Variants in ATP8A1 observed in about 807,000 individuals in gnomAD.
ATP8A1 encodes the protein phospholipid-transporting ATPase IA.
Under a neutral mutation model 177.7 loss-of-function variants are expected in ATP8A1, and 90 were observed. The observed-to-expected ratio is 0.51, with a 90% CI of 0.43 to 0.60. The LOEUF (loss-of-function observed/expected upper bound fraction) is 0.60, where lower values mean the gene tolerates loss of function less well. ATP8A1 is among the 20% of genes least tolerant of loss of function. The pLI is 0.00. For missense variants in ATP8A1, 1,072 were observed against 1,392.8 expected, an observed-to-expected ratio of 0.77 and a Z score of 3.67; for synonymous variants, 493 against 485.9, an observed-to-expected ratio of 1.01 and a Z score of -0.19.
At chr4:42,622,166 A>G (rs1737533570) in intron 4 of ATP8A1, among the ~76,000 whole-genome samples, 2 of 151,774 alleles carry the variant, frequency 1.3e-5, no homozygotes, top group Non-Finnish European at 2.9e-5. Context: ...ACCTGAGGTC[A>G]GAAGTTCAAG....
chr4:42,544,256 A>G (rs774764499), intron 19 of ATP8A1, among the ~76,000 whole-genome samples: 11 of 152,228 alleles, frequency 7.2e-5, no homozygotes, highest in Non-Finnish European at 1.5e-5. Context: ...AAGAGCTCAT[A>G]CCCACCAGAG....
In ATP8A1 at chr4:42,409,343, A is replaced by C. The variant is rs1392262162; in HGVS notation, c.*3573T>G. On this transcript the variant is annotated 3_prime_UTR_variant, in exon 37 of 37. Coordinates refer to ENST00000381668, the MANE Select transcript of ATP8A1 (RefSeq NM_006095.2). ...TTTAATAGCTGTTGAAGGTTAATTA[A>C]AATGCAGCAAAGTATAACTACGTTA... 1 of 152,186 alleles carries C rather than the reference A, an allele frequency of 6.6e-6. No homozygotes were observed. The highest frequency in any genetic ancestry group is 1.5e-5 in the Non-Finnish European group (1 of 67,994). 9.4% of individuals were successfully genotyped at this position (152,186 alleles called of 1,614,324 possible).
chr4:42,463,803 A>G (rs3890812), intron 27 of ATP8A1, among the ~76,000 whole-genome samples: 55,083 of 152,112 alleles, frequency 0.36, 10,224 homozygotes, highest in East Asian at 0.59. Flanking sequence ...CAAATTTTTC[A>G]TCATCTGAAC....
chr4:42,447,505 G>A (rs764780997), intron 30 of ATP8A1, among the ~76,000 whole-genome samples: 1 of 152,106 alleles, frequency 6.6e-6, no homozygotes, highest in Non-Finnish European at 1.5e-5. Flanking sequence ...GGCTTTAGAC[G>A]AAGGAAGTGG....
At chr4:42,582,519 C>G (rs1415798905) in intron 9 of ATP8A1, among the ~76,000 whole-genome samples, 2 of 135,478 alleles carry the variant, frequency 1.5e-5, no homozygotes, top group Non-Finnish European at 3.2e-5. Context: ...TCTCTCCCCC[C>G]CCACCCAAAT....
intron 22 of ATP8A1, among the ~76,000 whole-genome samples, chr4:42,508,474 C>T (rs749900294): frequency 6.6e-6 from 1 of 152,212 alleles, no homozygotes; most frequent in Admixed American, 6.5e-5. Flanking sequence ...CTCTCATCTT[C>T]CTAAACGGAG....
At chr4:42,463,203 G>A (rs1719357448) in intron 27 of ATP8A1, among the ~76,000 whole-genome samples, 1 of 152,154 alleles carries the variant, frequency 6.6e-6, no homozygotes, top group Admixed American at 6.5e-5. Flanking sequence ...TTTGGAAGGG[G>A]CCAGGGGCAG....
intron 5 of ATP8A1, among the ~76,000 whole-genome samples, chr4:42,615,696 T>C (rs1248976925): frequency 6.6e-6 from 1 of 152,224 alleles, no homozygotes; most frequent in African/African-American, 2.4e-5. Flanking sequence ...ATACATCTTT[T>C]CTAGAATAAC....
intron 25 of ATP8A1, among the ~76,000 whole-genome samples, chr4:42,479,896 T>C (rs1188742309): frequency 6.6e-6 from 1 of 152,088 alleles, no homozygotes; most frequent in Non-Finnish European, 1.5e-5. Context: ...CACAGGAGTG[T>C]GTGCACTTTG....
chr4:42,441,755 A>G (rs1313616022), intron 33 of ATP8A1, among the ~76,000 whole-genome samples: 1 of 152,220 alleles, frequency 6.6e-6, no homozygotes, highest in Non-Finnish European at 1.5e-5. Context: ...GTTTGAATAA[A>G]CAGACATTTT....
intron 15 of ATP8A1, among the ~76,000 whole-genome samples, chr4:42,557,580 T>C (rs1730373078): frequency 2.0e-5 from 3 of 152,218 alleles, no homozygotes; most frequent in Admixed American, 2.0e-4. Context: ...TCAGTTACTA[T>C]AATTGACTTA....
At chr4:42,617,991 T>C (rs530901133) in intron 4 of ATP8A1, among the ~76,000 whole-genome samples, 1 of 152,292 alleles carries the variant, frequency 6.6e-6, no homozygotes, top group South Asian at 2.1e-4. Flanking sequence ...AGCTATTCTC[T>C]GAGTTCAAAT....
chr4:42,632,763 T>G (rs1738879901), intron 1 of ATP8A1, among the ~76,000 whole-genome samples: 1 of 152,208 alleles, frequency 6.6e-6, no homozygotes, highest in Non-Finnish European at 1.5e-5. Flanking sequence ...GTTTCATCAC[T>G]TAACCCACTT....
At chr4:42,648,859 A>C (rs1740813954) in intron 1 of ATP8A1, among the ~76,000 whole-genome samples, 1 of 152,220 alleles carries the variant, frequency 6.6e-6, no homozygotes, top group African/African-American at 2.4e-5. Context: ...ATGTAAACTT[A>C]AAGACTTACT....
At chr4:42,587,264 A>G (rs1733706772) in intron 8 of ATP8A1, among the ~76,000 whole-genome samples, 2 of 151,828 alleles carry the variant, frequency 1.3e-5, no homozygotes, top group Admixed American at 6.6e-5. Flanking sequence ...GAGCTTATGT[A>G]GTAAACTTGT....
chr4:42,446,770 A>AT, intron 30 of ATP8A1, 126 bp from the exon 31 acceptor site: 5 of 646,678 alleles, frequency 7.7e-6, no homozygotes, highest in East Asian at 3.0e-5. Context: ...CAGAAATGAG[A>AT]TTAAAAAAAA....
intron 32 of ATP8A1, among the ~76,000 whole-genome samples, 180 bp downstream of exon 32, chr4:42,444,398 T>C (rs982102985): frequency 6.6e-6 from 1 of 152,176 alleles, no homozygotes; most frequent in East Asian, 1.9e-4. Flanking sequence ...TAACTCAGTA[T>C]TTCCCAACTA....
intron 4 of ATP8A1, among the ~76,000 whole-genome samples, chr4:42,618,473 C>T (rs988392909): frequency 4.6e-5 from 7 of 152,304 alleles, no homozygotes; most frequent in Non-Finnish European, 8.8e-5. Context: ...GTTCACAAGG[C>T]AACCAGGGAC....
chr4:42,475,608 T>A (rs576101394), intron 25 of ATP8A1, among the ~76,000 whole-genome samples: 179 of 152,102 alleles, frequency 1.2e-3, no homozygotes, highest in African/African-American at 4.1e-3. Flanking sequence ...ACCTGAAATA[T>A]TCAATTAGGC....
Sources: gnomAD v4.1 joint callset for allele counts (sites outside exome capture counted in the v4.1 genomes callset) on GRCh38, gnomAD v4.1.1 for gene constraint, MANE v1.5 for transcripts, NCBI Gene and HGNC (gene_info 2026-07-23, HGNC 2026-07-21) for gene names.